The following WSCD1 variants were observed in gnomAD, a reference collection of about 807,000 sequenced individuals.
WSCD1 encodes the protein WSC domain sialate O sulfotransferase 1.
In WSCD1, 41 loss-of-function variants were observed where a neutral mutation model predicts 60.4. The ratio of observed to expected loss-of-function variants is 0.68; its 90% confidence interval spans 0.53 to 0.88. The LOEUF is 0.88. WSCD1 is among the 40% of genes least tolerant of loss of function. The pLI, the probability that WSCD1 is intolerant of heterozygous loss-of-function variation, is 0.00. For synonymous variants in WSCD1, 361 were observed against 332.5 expected (o/e 1.09, Z -0.93); for missense variants, 784 against 796.2 (o/e 0.98, Z 0.18).
intron 1 of WSCD1, among the ~76,000 whole-genome samples, chr17:6,073,609 G>A (rs1350215376): frequency 2.6e-5 from 4 of 152,240 alleles, no homozygotes; most frequent in South Asian, 2.1e-4. Flanking sequence ...TAGCTTGGGC[G>A]ACAGAGCGAG....
intron 4 of WSCD1, among the ~76,000 whole-genome samples, chr17:6,091,840 A>C (rs1910062430): frequency 6.6e-6 from 1 of 152,134 alleles, no homozygotes; most frequent in Non-Finnish European, 1.5e-5. Context: ...TTAGTTCAAG[A>C]ATGGGGCAGA....
chr17:6,112,819 T>A (rs1351492071), intron 7 of WSCD1, among the ~76,000 whole-genome samples: 3 of 152,088 alleles, frequency 2.0e-5, no homozygotes, highest in Non-Finnish European at 4.4e-5. Flanking sequence ...TGGAAAGACA[T>A]CCCATATTTA....
chr17:6,070,872 T>TG (rs1414623525), intron 1 of WSCD1, among the ~76,000 whole-genome samples: 10 of 11,644 alleles, frequency 8.6e-4, no homozygotes, highest in East Asian at 2.6e-3. Flanking sequence ...GCAGGGGTTG[T>TG]GGGGGGGCGG....
rs1910786017 is a variant in WSCD1 at position 6,101,321 on chromosome 17, A to G, written c.849+6098A>G. 6.6e-6 allele frequency among the ~76,000 whole-genome samples: 1 copy of G among 151,976 alleles called. No individual in the cohort carries two copies. The highest frequency in any genetic ancestry group is 2.4e-5 in the African/African-American group (1 of 41,270). On this transcript the variant is annotated intron_variant, in intron 5 of 8. Coordinates refer to ENST00000317744, the MANE Select transcript of WSCD1 (RefSeq NM_015253.2). The surrounding 1 kb of genome is among the most constrained non-coding windows in gnomAD (Gnocchi z 4.1). ...AAGACTTTGATGATGGAAAATGCTC[A>G]CAGTAGAATGTTAAATGGGGCAGAG...
intron 7 of WSCD1, among the ~76,000 whole-genome samples, chr17:6,117,684 T>A (rs930197506): frequency 6.6e-6 from 1 of 152,274 alleles, no homozygotes; most frequent in African/African-American, 2.4e-5. Flanking sequence ...TGCGTGCATC[T>A]GCAATGACGG....
intron 5 of WSCD1, among the ~76,000 whole-genome samples, chr17:6,100,240 G>A (rs1182495905): frequency 2.6e-5 from 4 of 152,194 alleles, no homozygotes; most frequent in Admixed American, 1.3e-4. Context: ...GGTGAGCGGG[G>A]CAGCTGACCT....
chr17:6,120,686 C>G lies in WSCD1; in HGVS notation c.*25C>G, dbSNP rs748913146. ...ATAGGCCTGGCCCACGCCGCCGCCC[C>G]CGCTGAGTGACGCAATCGCACCACG... On this transcript the variant is annotated 3_prime_UTR_variant, in exon 9 of 9. Coordinates refer to ENST00000317744, the MANE Select transcript of WSCD1 (RefSeq NM_015253.2). 2.5e-6 allele frequency: 4 copies of G among 1,585,058 alleles called. No individual in the cohort carries two copies. In the Admixed American group the frequency reaches 6.8e-5, roughly 27 times the overall value.
chr17:6,121,771 T>G lies in WSCD1; in HGVS notation c.*1110T>G, dbSNP rs61656764. 108,357 of 151,758 alleles carry G rather than the reference T, an allele frequency of 0.71. 38,873 individuals are homozygous for G. Among genetic ancestry groups the G allele is most frequent in the Middle Eastern group, 0.82 (240 of 294 alleles). The allele number at this position is 151,758 out of a possible 1,614,324, so 9.4% of individuals were successfully genotyped here. A position where few individuals can be genotyped will look rare whatever the true frequency, so the allele number is the denominator to read the frequency against. ...CATGAGAGCTAGTTAGTACTCAGCC[T>G]GACCCCTAGGTCTGGTCCTGCCAGC... On this transcript the variant is annotated 3_prime_UTR_variant, in exon 9 of 9. Transcript: ENST00000317744.
rs1013440464 is a variant in WSCD1, at chr17:6,101,505, C to A, written c.849+6282C>A. On this transcript the variant is annotated intron_variant, in intron 5 of 8. Transcript: ENST00000317744. The surrounding 1 kb of genome is among the most constrained non-coding windows in gnomAD (Gnocchi z 4.1). ...AGCACCATCTGAGGCTTATTTGTGGCCCCAGATAAAATGTCTACTGTTTTT... is the reference window on the plus strand; with the variant it reads ...AGCACCATCTGAGGCTTATTTGTGGACCCAGATAAAATGTCTACTGTTTTT... Among the ~76,000 whole-genome samples the A allele has an allele frequency of 6.6e-6, 1 of 151,970 alleles. No homozygotes were observed. Among genetic ancestry groups the A allele is most frequent in the African/African-American group, 2.4e-5 (1 of 41,362 alleles).
At position 6,088,084 on chromosome 17, in the gene WSCD1, C is replaced by G. The variant is rs781735486; in HGVS notation, c.522C>G (p.Cys174Trp). 1 of 1,614,116 alleles carries G rather than the reference C, an allele frequency of 6.2e-7. No homozygotes were observed. Among genetic ancestry groups the G allele is most frequent in the Admixed American group, 1.7e-5 (1 of 60,030 alleles). The part of the protein sequence containing the change: ...YDLRKMTVSH[C>W]QDACAERSYV... ...TGAGAAAGATGACTGTCTCCCACTGCCAGGATGCGTGTGCTGAGCGGTGAG... is the reference window on the plus strand; with the variant it reads ...TGAGAAAGATGACTGTCTCCCACTGGCAGGATGCGTGTGCTGAGCGGTGAG... The change falls in exon 3 of 9, where the codon TGC becomes TGG. Residue 174 changes from cysteine (C) to tryptophan (W), a missense_variant. By Grantham distance (215) the Cys-to-Trp change is radical. Coordinates refer to ENST00000317744, the MANE Select transcript of WSCD1 (RefSeq NM_015253.2).
upstream of WSCD1, chr17:6,069,225 C>G (rs1783441800): frequency 2.5e-6 from 1 of 398,756 alleles, no homozygotes; most frequent in East Asian, 3.6e-5. Flanking sequence ...CAGGGTCCAC[C>G]GGTGCACATG....
chr17:6,097,840 G>A (rs1440174062), intron 5 of WSCD1, among the ~76,000 whole-genome samples: 3 of 152,110 alleles, frequency 2.0e-5, no homozygotes, highest in Admixed American at 6.5e-5. Context: ...AGGCACCCTC[G>A]TAACCCTTAT....
intron 7 of WSCD1, among the ~76,000 whole-genome samples, chr17:6,111,889 G>T (rs1289940935): frequency 6.6e-6 from 1 of 152,056 alleles, no homozygotes; most frequent in Non-Finnish European, 1.5e-5. Context: ...ATGAAATTAG[G>T]AAAACATTTT....
chr17:6,096,745 G>A (rs996080691), intron 5 of WSCD1, among the ~76,000 whole-genome samples: 1 of 152,302 alleles, frequency 6.6e-6, no homozygotes, highest in African/African-American at 2.4e-5. Flanking sequence ...GGCCCTGCTG[G>A]TGCTCTCAGG....
chr17:6,102,739 G>A (rs545692138), intron 5 of WSCD1, among the ~76,000 whole-genome samples: 95 of 152,112 alleles, frequency 6.2e-4, no homozygotes, highest in African/African-American at 2.2e-3. Flanking sequence ...AATATGTTGT[G>A]AGCATTTTCT....
chr17:6,090,286 C>T, intron 3 of WSCD1, 35 bp from the exon 4 acceptor site: 1 of 1,520,948 alleles, frequency 6.6e-7, no homozygotes, highest in South Asian at 1.3e-5. Flanking sequence ...AGCTCTGGGC[C>T]AAGGTCCGGA....
Position 6,080,999 on chromosome 17 carries a change from G to A in WSCD1, c.341G>A (p.Arg114His), listed in dbSNP as rs562193567. Reference protein sequence around the residue: ...SRNSELRQLRRRWFHHFMSDS... With the variant: ...SRNSELRQLRHRWFHHFMSDS... ...AACTCGGAGCTGCGTCAGTTGCGTC[G>A]CCGCTGGTTCCACCACTTCATGAGT... The change falls in exon 2 of 9, where the codon CGC (arginine) becomes CAC (histidine). Residue 114 changes from arginine (R) to histidine (H), a missense_variant. Transcript: ENST00000317744. This position sits in a 1 kb window ranked among gnomAD's most constrained non-coding sequence, Gnocchi z 6.6. 67 of 1,545,490 alleles carry A rather than the reference G, an allele frequency of 4.3e-5. No individual in the cohort carries two copies. Among genetic ancestry groups the A allele is most frequent in the African/African-American group, 9.5e-5 (7 of 73,408 alleles).
chr17:6,089,411 T>C (rs997680740), intron 3 of WSCD1, among the ~76,000 whole-genome samples: 1 of 152,214 alleles, frequency 6.6e-6, no homozygotes. Context: ...GTTGACTGCT[T>C]TCTGTAGCTG....
chr17:6,098,105 C>A (rs1910560624), intron 5 of WSCD1, among the ~76,000 whole-genome samples: 1 of 141,634 alleles, frequency 7.1e-6, no homozygotes, highest in Non-Finnish European at 1.5e-5. Flanking sequence ...CACACACTAC[C>A]ATGCCCAGCT....
Sources: gnomAD v4.1 joint callset for allele counts (sites outside exome capture counted in the v4.1 genomes callset) on GRCh38, gnomAD v4.1.1 for gene constraint, Gnocchi (gnomAD v3.1) non-coding constraint, MANE v1.5 for transcripts, NCBI Gene and HGNC (gene_info 2026-07-23, HGNC 2026-07-21) for gene names.